CDH26: variants seen among roughly 807,000 people sequenced by gnomAD.
CDH26 encodes cadherin-like protein 26.
CDH26 carries 83 observed loss-of-function variants against 90.3 expected under a neutral mutation model. That is an observed-to-expected ratio of 0.92 (90% CI 0.77 to 1.10). The LOEUF is 1.10. Among genes scored for constraint, CDH26 ranks in the 50% least tolerant of loss-of-function variants. The probability of loss-of-function intolerance (pLI) is 0.00; values close to 1 mark genes in which losing one functional copy is unlikely to be tolerated. For missense variants in CDH26, 1,013 were observed against 1,037.6 expected (o/e 0.98, Z 0.33); for synonymous variants, 397 against 396.3 (o/e 1.00, Z -0.02).
At chr20:60,002,750 GT>G in intron 15 of CDH26, 62 bp from the exon 16 acceptor site, 1 of 1,305,574 alleles carries the variant, frequency 7.7e-7, no homozygotes, top group South Asian at 1.4e-5. Flanking sequence ...AGAATTTCTA[GT>G]TATGTATTTG....
intron 8 of CDH26, chr20:60,033,445 G>A (rs747349739): frequency 1.3e-4 from 172 of 1,292,592 alleles, no homozygotes; most frequent in African/African-American, 1.8e-4. Context: ...TTTTGCCTAC[G>A]TTATTTAATT....
intron 4 of CDH26, among the ~76,000 whole-genome samples, chr20:59,980,496 C>T (rs1260902571): frequency 6.6e-6 from 1 of 152,064 alleles, no homozygotes; most frequent in African/African-American, 2.4e-5. Context: ...CTGGGTTTTG[C>T]CATGTTGGCC....
chr20:59,983,108 C>G, intron 5 of CDH26, 38 bp downstream of exon 5: 1 of 1,604,078 alleles, frequency 6.2e-7, no homozygotes, highest in Non-Finnish European at 8.5e-7. Context: ...TTCCTTCTGT[C>G]TCTGCTCTGT....
At chr20:60,010,979 C>G (rs1049801002) in intron 17 of CDH26, among the ~76,000 whole-genome samples, 1 of 152,130 alleles carries the variant, frequency 6.6e-6, no homozygotes, top group African/African-American at 2.4e-5. Context: ...CCCTGACATC[C>G]CTATTTCATC....
At chr20:60,011,304 A>T (rs1569061848) in intron 17 of CDH26, among the ~76,000 whole-genome samples, 1 of 152,230 alleles carries the variant, frequency 6.6e-6, no homozygotes, top group Non-Finnish European at 1.5e-5. Flanking sequence ...CACTACTGTC[A>T]CGCTTGTGTT....
intron 13 of CDH26, among the ~76,000 whole-genome samples, chr20:59,997,503 T>A (rs2061615031): frequency 6.6e-6 from 1 of 152,260 alleles, no homozygotes; most frequent in Admixed American, 6.5e-5. Flanking sequence ...ATAAAGTAAT[T>A]GGCCAATGGC....
chr20:59,989,152 C>G lies in CDH26; in HGVS notation c.1272C>G (p.Asp424Glu). The change falls in exon 9 of 18, where the codon GAC becomes GAG. Residue 424 changes from aspartate to glutamate, a missense_variant. Physicochemically the swap from Asp to Glu is conservative, Grantham distance 45 (BLOSUM62 2). Transcript: ENST00000348616. Reference protein sequence around the residue: ...LLGTFNAMDPDSQIRYELVHD... With the variant: ...LLGTFNAMDPESQIRYELVHD... ...GAACTTTTAATGCCATGGATCCAGA[C>G]AGCCAGATAAGGTGAGAAGAGAGGG... The G allele has an allele frequency of 1.2e-6, 2 of 1,614,178 alleles. No individual in the cohort carries two copies. The highest frequency in any genetic ancestry group is 1.7e-6 in the Non-Finnish European group (2 of 1,180,046).
intron 4 of CDH26, among the ~76,000 whole-genome samples, chr20:59,974,846 C>A (rs1341278282): frequency 5.3e-5 from 8 of 152,114 alleles, no homozygotes; most frequent in Admixed American, 5.2e-4. Context: ...CCACTCATCA[C>A]CTGAAATGTG....
At position 60,013,292 on chromosome 20, in the gene CDH26, A is replaced by T. The variant is rs2061872468; in HGVS notation, c.*562A>T. ...AAAATATGTTATCTTGAGAAAAATG[A>T]TTATGCTGAAAGCTTTATAAACAGT... On this transcript the variant is annotated 3_prime_UTR_variant, in exon 18 of 18. Coordinates refer to ENST00000348616, the MANE Select transcript of CDH26 (RefSeq NM_177980.4). 6.6e-6 allele frequency: 1 copy of T among 152,342 alleles called. No homozygotes were observed. The highest frequency in any genetic ancestry group is 2.1e-4 in the South Asian group (1 of 4,840). The allele number at this position is 152,342 out of a possible 1,614,324, so 9.4% of individuals were successfully genotyped here.
chr20:59,976,539 A>G (rs1300665764), intron 4 of CDH26, among the ~76,000 whole-genome samples: 2 of 152,256 alleles, frequency 1.3e-5, no homozygotes, highest in East Asian at 3.8e-4. Context: ...TTTTACAGCC[A>G]GAAGTCAGGG....
At chr20:59,976,342 T>C (rs1352158729) in intron 4 of CDH26, among the ~76,000 whole-genome samples, 2 of 152,234 alleles carry the variant, frequency 1.3e-5, no homozygotes, top group Middle Eastern at 3.2e-3. Flanking sequence ...CTTTTCTCCA[T>C]TGTAACCCGA....
chr20:59,969,521 A>G (rs756388078), intron 2 of CDH26, among the ~76,000 whole-genome samples: 9 of 152,242 alleles, frequency 5.9e-5, no homozygotes, highest in Non-Finnish European at 1.2e-4. Flanking sequence ...ATAGATGGTA[A>G]CTGTGAAAAT....
intron 4 of CDH26, among the ~76,000 whole-genome samples, chr20:59,977,112 G>A (rs2061336506): frequency 6.6e-6 from 1 of 152,156 alleles, no homozygotes; most frequent in Non-Finnish European, 1.5e-5. Flanking sequence ...GACAGCAAGG[G>A]TGCCTTCCTC....
intron 13 of CDH26, among the ~76,000 whole-genome samples, chr20:59,999,327 A>T (rs1162054720): frequency 6.6e-6 from 1 of 152,184 alleles, no homozygotes; most frequent in East Asian, 1.9e-4. Context: ...GCCTTTTACC[A>T]TCAGTTTACA....
In CDH26 at chr20:59,972,035, A is replaced by T. The variant is rs1371596996; in HGVS notation, c.305A>T (p.Glu102Val). The T allele has an allele frequency of 6.2e-7, 1 of 1,614,018 alleles. No homozygotes were observed. The highest frequency in any genetic ancestry group is 8.5e-7 in the Non-Finnish European group (1 of 1,179,890). Residue 102 changes from glutamate to valine, a missense_variant, in exon 4 of 18, where the codon GAG (glutamate) becomes GTG (valine). Transcript: ENST00000348616. ...ISGPGVDEYP[E>V]IGLFSLEDHE... is the part of the protein sequence containing the mutation. ...GGACCTGGTGTGGATGAATATCCAG[A>T]GATTGGTTTGTTTTCTCTAGAAGAT...
At chr20:59,988,782 C>A in intron 8 of CDH26, 122 bp from the exon 9 acceptor site, 1 of 996,120 alleles carries the variant, frequency 1.0e-6, no homozygotes. Context: ...TCAAAGACAA[C>A]GTAAATAATA....
chr20:59,995,284 G>A (rs1399761832), intron 11 of CDH26, among the ~76,000 whole-genome samples: 2 of 152,170 alleles, frequency 1.3e-5, no homozygotes, highest in Non-Finnish European at 1.5e-5. Flanking sequence ...TTACACTGGG[G>A]ACTTCTGGTC....
At chr20:60,012,207 C>T (rs1308954791) in intron 17 of CDH26, among the ~76,000 whole-genome samples, 2 of 151,964 alleles carry the variant, frequency 1.3e-5, no homozygotes, top group East Asian at 1.9e-4. Context: ...GTGTCCAGGG[C>T]ACAGGACAGG....
intron 11 of CDH26, 49 bp from the exon 12 acceptor site, chr20:59,995,784 T>C (rs752157450): frequency 1.3e-6 from 2 of 1,530,132 alleles, no homozygotes; most frequent in South Asian, 1.1e-5. Context: ...GTTGAGCAGA[T>C]GAGCAGATGA....
Sources: gnomAD v4.1 joint callset for allele counts (sites outside exome capture counted in the v4.1 genomes callset) on GRCh38, gnomAD v4.1.1 for gene constraint, MANE v1.5 for transcripts, NCBI Gene and HGNC (gene_info 2026-07-23, HGNC 2026-07-21) for gene names.